The following HNF4A variants were observed in gnomAD, a reference collection of about 807,000 sequenced individuals.
The protein encoded by HNF4A is hepatocyte nuclear factor 4-alpha.
A neutral mutation model predicts 52.4 loss-of-function variants in HNF4A; 15 were observed. The observed-to-expected ratio is 0.29, with a 90% CI of 0.19 to 0.44. The LOEUF (loss-of-function observed/expected upper bound fraction) is 0.44, where lower values mean the gene tolerates loss of function less well. HNF4A is among the 20% of genes least tolerant of loss of function. The probability of loss-of-function intolerance (pLI) is 1.00; values close to 1 mark genes in which losing one functional copy is unlikely to be tolerated. For missense variants in HNF4A, 479 were observed against 647.2 expected (o/e 0.74, Z 2.82); for synonymous variants, 280 against 264.4 (o/e 1.06, Z -0.57).
chr20:44,386,898 T>C (rs1367500287), intron 1 of HNF4A, among the ~76,000 whole-genome samples: 1 of 152,240 alleles, frequency 6.6e-6, no homozygotes, highest in Non-Finnish European at 1.5e-5. Context: ...TAGAATCCTT[T>C]TCATTGAATA....
At chr20:44,413,374 C>A (rs2063614109) in intron 3 of HNF4A, among the ~76,000 whole-genome samples, 1 of 152,150 alleles carries the variant, frequency 6.6e-6, no homozygotes, top group Non-Finnish European at 1.5e-5. Context: ...AGAGCTTGAA[C>A]ATCTTTAAGC....
downstream of HNF4A, chr20:44,433,146 A>G (rs2063897011): frequency 6.6e-6 from 1 of 152,132 alleles, no homozygotes; most frequent in Non-Finnish European, 1.5e-5. Context: ...TACTTAGTAT[A>G]TCGAGAGAGT....
chr20:44,412,868 C>A (rs2063606741), intron 3 of HNF4A, among the ~76,000 whole-genome samples: 1 of 152,100 alleles, frequency 6.6e-6, no homozygotes, highest in Admixed American at 6.5e-5. Context: ...GGAAACTGAG[C>A]CCCAGAGAGA....
At chr20:44,397,994 G>A (rs552960508), upstream of HNF4A, among the ~76,000 whole-genome samples, 25 of 152,108 alleles carry the variant, frequency 1.6e-4, no homozygotes, top group South Asian at 4.2e-4. Context: ...TCCACCTCCC[G>A]TTCTTTCTCC....
chr20:44,412,049 C>T (rs549063575), intron 3 of HNF4A, among the ~76,000 whole-genome samples: 67 of 148,680 alleles, frequency 4.5e-4, no homozygotes, highest in Non-Finnish European at 4.5e-4. Flanking sequence ...AAAATGAGAC[C>T]CCATCTCGAA....
At chr20:44,407,215 A>G (rs1201759232) in intron 2 of HNF4A, among the ~76,000 whole-genome samples, 166 bp from the exon 3 acceptor site, 3 of 152,040 alleles carry the variant, frequency 2.0e-5, no homozygotes, top group African/African-American at 7.2e-5. Flanking sequence ...GCTCTTAGAG[A>G]GTTCATAGCA....
intron 1 of HNF4A, among the ~76,000 whole-genome samples, chr20:44,382,433 T>A (rs1287714683): frequency 6.6e-6 from 1 of 152,000 alleles, no homozygotes; most frequent in African/African-American, 2.4e-5. Context: ...GAGATGGAGT[T>A]TCACCATGTT....
upstream of HNF4A, among the ~76,000 whole-genome samples, chr20:44,400,562 G>A (rs926807046): frequency 6.6e-6 from 1 of 152,132 alleles, no homozygotes; most frequent in African/African-American, 2.4e-5. Context: ...AGGGGGTGGG[G>A]GTGAGGGAAA....
In HNF4A at chr20:44,385,057, A is replaced by ATTTTTTTTTTTTTTTT. The variant is rs1491454694; in HGVS notation, c.50-21000_50-20999insTTTTTTTTTTTTTTTT. On this transcript the variant is annotated intron_variant, in intron 1 of 9. Transcript: ENST00000316673. ...TAAGTGGTTTCAGCTGAACTCTGTG[A>ATTTTTTTTTTTTTTTT]TCTTTTTTTTTTTTTTTTTTTTTTT... Among the ~76,000 whole-genome samples, 19 of 29,930 alleles carry ATTTTTTTTTTTTTTTT rather than the reference A, an allele frequency of 6.3e-4. 1 individual carries two copies. Among genetic ancestry groups the ATTTTTTTTTTTTTTTT allele is most frequent in the East Asian group, 3.6e-3 (1 of 276 alleles). The allele number at this position is 29,930 out of a possible 152,430, so 19.6% of individuals were successfully genotyped here.
intron 1 of HNF4A, among the ~76,000 whole-genome samples, chr20:44,367,904 A>C (rs2062986357): frequency 6.6e-6 from 1 of 151,810 alleles, no homozygotes; most frequent in Non-Finnish European, 1.5e-5. Context: ...CACGCAGCGC[A>C]TGAGAGGCGG....
At chr20:44,433,568 C>A (rs1279474437), downstream of HNF4A, 1 of 152,306 alleles carries the variant, frequency 6.6e-6, no homozygotes, top group Admixed American at 6.5e-5. Context: ...ATAGTACCAG[C>A]TACTCTGAAG....
intron 7 of HNF4A, among the ~76,000 whole-genome samples, chr20:44,420,820 AAAT>A (rs1312306482): frequency 3.9e-5 from 6 of 151,928 alleles, no homozygotes; most frequent in African/African-American, 1.5e-4. Flanking sequence ...CTCATCTAAA[AAAT>A]AATAATAAAT....
At position 44,431,150 on chromosome 20, in the gene HNF4A, G is replaced by A. The variant is rs2063873322; in HGVS notation, c.*1485G>A. ...GTGGCTGAGTCAGGACTTGAACCCAGGTCTCCCTGGATCAGAACAGGAGCT... is the reference window on the plus strand; with the variant it reads ...GTGGCTGAGTCAGGACTTGAACCCAAGTCTCCCTGGATCAGAACAGGAGCT... On this transcript the variant is annotated 3_prime_UTR_variant, in exon 10 of 10. Coordinates refer to ENST00000316099, the MANE Select transcript of HNF4A (RefSeq NM_000457.6). 6.6e-6 allele frequency: 1 copy of A among 151,972 alleles called. No homozygotes were observed. The highest frequency in any genetic ancestry group is 2.4e-5 in the African/African-American group (1 of 41,324). 9.4% of individuals were successfully genotyped at this position (151,972 alleles called of 1,614,324 possible). A position where few individuals can be genotyped will look rare whatever the true frequency, so the allele number is the denominator to read the frequency against.
Position 44,432,212 on chromosome 20 carries a change from T to C in HNF4A, c.*2547T>C, listed in dbSNP as rs910215577. The C allele has an allele frequency of 6.6e-5, 10 of 152,208 alleles. No individual in the cohort carries two copies. Among genetic ancestry groups the C allele is most frequent in the African/African-American group, 1.9e-4 (8 of 41,450 alleles). 9.4% of individuals were successfully genotyped at this position (152,208 alleles called of 1,614,324 possible). A position where few individuals can be genotyped will look rare whatever the true frequency, so the allele number is the denominator to read the frequency against. ...CTGTTGGAGCAGGGGGTCAGTTCTC[T>C]GCTGGGAATCTACCCCTTTCTGGAG... On this transcript the variant is annotated 3_prime_UTR_variant, in exon 10 of 10. Coordinates refer to ENST00000316099, the MANE Select transcript of HNF4A (RefSeq NM_000457.6).
At chr20:44,380,753 A>G (rs2063143350) in intron 1 of HNF4A, among the ~76,000 whole-genome samples, 1 of 152,138 alleles carries the variant, frequency 6.6e-6, no homozygotes, top group Non-Finnish European at 1.5e-5. Flanking sequence ...TGGTGCACAA[A>G]TTTTTCTAAT....
intron 1 of HNF4A, among the ~76,000 whole-genome samples, chr20:44,365,173 G>T (rs79779292): frequency 0.012 from 1,875 of 150,918 alleles, 46 homozygotes; most frequent in African/African-American, 0.044. Context: ...GTTTGTTTTT[G>T]TTTTGTTGTT....
chr20:44,432,935 G>A (rs2063895403), downstream of HNF4A: 1 of 152,066 alleles, frequency 6.6e-6, no homozygotes, highest in Non-Finnish European at 1.5e-5. Context: ...TTTTTTAAAG[G>A]AAGAATGAGA....
chr20:44,388,808 C>A (rs544431826), intron 1 of HNF4A, among the ~76,000 whole-genome samples: 1 of 152,350 alleles, frequency 6.6e-6, no homozygotes, highest in Admixed American at 6.5e-5. Flanking sequence ...CCTGGGGCAA[C>A]CGCGGGATGA....
intron 3 of HNF4A, among the ~76,000 whole-genome samples, chr20:44,408,824 C>G (rs1480998227): frequency 1.3e-5 from 2 of 152,138 alleles, no homozygotes; most frequent in Non-Finnish European, 1.5e-5. Context: ...CCAGACCTTC[C>G]CTTCTAGCCC....
Sources: allele counts gnomAD v4.1 joint callset (sites outside exome capture counted in the v4.1 genomes callset), GRCh38; gene constraint gnomAD v4.1.1; transcripts MANE v1.5; gene names NCBI Gene and HGNC (gene_info 2026-07-23, HGNC 2026-07-21).